BMPR2: variants seen among roughly 807,000 people sequenced by gnomAD.
BMPR2 encodes bone morphogenetic protein receptor type-2.
A neutral mutation model predicts 100.8 loss-of-function variants in BMPR2; 29 were observed. The observed-to-expected ratio is 0.29, with a 90% CI of 0.21 to 0.39. The LOEUF (loss-of-function observed/expected upper bound fraction) is 0.39, where lower values mean the gene tolerates loss of function less well. BMPR2 is among the 10% of genes least tolerant of loss of function. The pLI, the probability that BMPR2 is intolerant of heterozygous loss-of-function variation, is 1.00. For missense variants in BMPR2, 1,011 were observed against 1,274.5 expected (o/e 0.79, Z 3.15); for synonymous variants, 382 against 442.3 (o/e 0.86, Z 1.71).
chr2:202,402,157 A>C (rs1690778854), intron 1 of BMPR2, among the ~76,000 whole-genome samples: 1 of 152,174 alleles, frequency 6.6e-6, no homozygotes, highest in African/African-American at 2.4e-5. Flanking sequence ...GGGAGGTGGA[A>C]TAGGCCTTTT....
In BMPR2 at chr2:202,460,594, G is replaced by A. The variant is rs188876981; in HGVS notation, c.77-4215G>A. 5.3e-5 allele frequency among the ~76,000 whole-genome samples: 8 copies of A among 152,134 alleles called. 1 individual carries two copies. Among genetic ancestry groups the A allele is most frequent in the Non-Finnish European group, 5.9e-5 (4 of 67,974 alleles). On this transcript the variant is annotated intron_variant, in intron 1 of 12. Coordinates refer to ENST00000374580, the MANE Select transcript of BMPR2 (RefSeq NM_001204.7). ...CATTGTAGTACAAAATTGAATAAGA[G>A]GATTGGAAGAACACCTTGAGAAACT...
chr2:202,401,481 T>TA (rs1690767794), intron 1 of BMPR2, among the ~76,000 whole-genome samples: 1 of 152,226 alleles, frequency 6.6e-6, no homozygotes. Flanking sequence ...ATTTTGGAGA[T>TA]AATGATCAGT....
chr2:202,474,524 A>G (rs1318040655), intron 3 of BMPR2, among the ~76,000 whole-genome samples: 1 of 151,826 alleles, frequency 6.6e-6, no homozygotes, highest in Non-Finnish European at 1.5e-5. Flanking sequence ...TGGAAAGGTT[A>G]TTTTTTATTT....
chr2:202,550,685 C>G (rs968575374), intron 10 of BMPR2, among the ~76,000 whole-genome samples: 1 of 152,122 alleles, frequency 6.6e-6, no homozygotes, highest in African/African-American at 2.4e-5. Context: ...TGCCTGTCGT[C>G]CCAGCTACTC....
rs1049284289 is a variant in BMPR2 at position 202,559,896 on chromosome 2, G to A, written c.3067G>A (p.Gly1023Ser). ...SSTAVYLAEG[G>S]TATTMVSKDI... Reference sequence around the variant, plus strand: ...CACTGCTGTTTACCTTGCAGAAGGAGGCACTGCTACAACCATGGTGTCTAA... The same window carrying A: ...CACTGCTGTTTACCTTGCAGAAGGAAGCACTGCTACAACCATGGTGTCTAA... Residue 1023 changes from glycine (G) to serine (S), a missense_variant, in exon 13 of 13, where the codon GGC (glycine) becomes AGC (serine). Gly to Ser is a moderately conservative substitution (Grantham distance 56, BLOSUM62 0). Around this residue, in one of 6 missense-constraint regions of BMPR2, gnomAD observed 58 missense variants for 72.3 expected, o/e 0.80. Transcript: ENST00000374580. 8 of 1,614,168 alleles carry A rather than the reference G, an allele frequency of 5.0e-6. No homozygotes were observed. The highest frequency in any genetic ancestry group is 6.8e-6 in the Non-Finnish European group (8 of 1,180,030).
At chr2:202,384,953 T>G (rs1277728562) in intron 1 of BMPR2, among the ~76,000 whole-genome samples, 1 of 152,098 alleles carries the variant, frequency 6.6e-6, no homozygotes, top group Non-Finnish European at 1.5e-5. Context: ...AGACAGTAGT[T>G]TGCCCTTATA....
At position 202,503,513 on chromosome 2, in the gene BMPR2, G is replaced by C. The variant is rs1687451800; in HGVS notation, c.419-10206G>C. 6.6e-6 allele frequency among the ~76,000 whole-genome samples: 1 copy of C among 152,244 alleles called. No individual in the cohort carries two copies. Among genetic ancestry groups the C allele is most frequent in the South Asian group, 2.1e-4 (1 of 4,834 alleles). ...CGGGCAATGAGGGGCTTAGCACCCA[G>C]GCCAGCAGCTGCGGAGGGTGTACTG... On this transcript the variant is annotated intron_variant, in intron 3 of 12. Coordinates refer to ENST00000374580, the MANE Select transcript of BMPR2 (RefSeq NM_001204.7). This position sits in a 1 kb window ranked among gnomAD's most constrained non-coding sequence, Gnocchi z 4.0.
Position 202,494,764 on chromosome 2 carries a change from A to C in BMPR2, c.419-18955A>C, listed in dbSNP as rs573203544. Reference sequence around the variant, plus strand: ...AGACAACAAAAAATAGGAGTTTTCTAGTTAAAGGCCTCTTTTGCACGTACA... The same window carrying C: ...AGACAACAAAAAATAGGAGTTTTCTCGTTAAAGGCCTCTTTTGCACGTACA... On this transcript the variant is annotated intron_variant, in intron 3 of 12. Coordinates refer to ENST00000374580, the MANE Select transcript of BMPR2 (RefSeq NM_001204.7). 2.6e-5 allele frequency among the ~76,000 whole-genome samples: 4 copies of C among 152,332 alleles called. No homozygotes were observed. The South Asian group carries it at 8.3e-4, about 32-fold the overall frequency.
At chr2:202,476,018 G>A (rs567382709) in intron 3 of BMPR2, among the ~76,000 whole-genome samples, 1 of 147,798 alleles carries the variant, frequency 6.8e-6, no homozygotes, top group East Asian at 2.1e-4. Context: ...AGGTTGCAGT[G>A]AGCCAAGATT....
intron 3 of BMPR2, among the ~76,000 whole-genome samples, chr2:202,482,540 ATT>A (rs1294071717): frequency 7.2e-5 from 10 of 138,632 alleles, no homozygotes; most frequent in Admixed American, 7.2e-5. Flanking sequence ...TGCCTGTCTA[ATT>A]TTTTTTTTTT....
At position 202,563,564 on chromosome 2, in the gene BMPR2, T is replaced by C. The variant is rs1020811746; in HGVS notation, c.*3618T>C. On this transcript the variant is annotated 3_prime_UTR_variant, in exon 13 of 13. Transcript: ENST00000374580. The stretch of plus-strand genomic sequence containing the variant: ...GATATGTAGACATATCTATGCTGAT[T>C]GTTGCTTGAGAAATAATTACTAATT... The C allele has an allele frequency of 6.6e-6, 1 of 152,244 alleles. No individual in the cohort carries two copies. The highest frequency in any genetic ancestry group is 2.4e-5 in the African/African-American group (1 of 41,464). 9.4% of individuals were successfully genotyped at this position (152,244 alleles called of 1,614,324 possible).
chr2:202,418,070 A>G (rs1691175354), intron 1 of BMPR2, among the ~76,000 whole-genome samples: 1 of 152,168 alleles, frequency 6.6e-6, no homozygotes, highest in South Asian at 2.1e-4. Context: ...AGACTACAGT[A>G]TAAACATAAC....
At chr2:202,457,329 G>A (rs1692131081) in intron 1 of BMPR2, among the ~76,000 whole-genome samples, 1 of 150,932 alleles carries the variant, frequency 6.6e-6, no homozygotes, top group Non-Finnish European at 1.5e-5. Flanking sequence ...GATGATTAAG[G>A]GTTTTTTTTT....
At chr2:202,477,231 AAC>A in intron 3 of BMPR2, among the ~76,000 whole-genome samples, 2 of 152,324 alleles carry the variant, frequency 1.3e-5, no homozygotes, top group South Asian at 4.1e-4. Flanking sequence ...TTCAATAAAT[AAC>A]AGTTACTTTC....
Position 202,561,594 on chromosome 2 carries a change from G to C in BMPR2, c.*1648G>C, listed in dbSNP as rs1271305494. ...CAGAGTACTTAGTAAATGTTATATA[G>C]TTTAGTTCTAAGATAGTTCCAGGGA... On this transcript the variant is annotated 3_prime_UTR_variant, in exon 13 of 13. Coordinates refer to ENST00000374580, the MANE Select transcript of BMPR2 (RefSeq NM_001204.7). 1 of 151,670 alleles carries C rather than the reference G, an allele frequency of 6.6e-6. No individual in the cohort carries two copies. The highest frequency in any genetic ancestry group is 2.4e-5 in the African/African-American group (1 of 41,270). 9.4% of individuals were successfully genotyped at this position (151,670 alleles called of 1,614,324 possible). A position where few individuals can be genotyped will look rare whatever the true frequency, so the allele number is the denominator to read the frequency against.
intron 6 of BMPR2, among the ~76,000 whole-genome samples, chr2:202,519,444 A>C (rs1174919781): frequency 6.6e-6 from 1 of 152,238 alleles, no homozygotes; most frequent in Non-Finnish European, 1.5e-5. Context: ...CAGATAGAGC[A>C]TTGCTGACTC....
chr2:202,464,337 T>A (rs1692278052), intron 1 of BMPR2, among the ~76,000 whole-genome samples: 2 of 152,162 alleles, frequency 1.3e-5, no homozygotes, highest in South Asian at 4.1e-4. Flanking sequence ...ATGTACCCAT[T>A]CATAGTTACT....
intron 1 of BMPR2, among the ~76,000 whole-genome samples, chr2:202,432,163 A>C (rs1691519619): frequency 6.6e-6 from 1 of 150,722 alleles, no homozygotes; most frequent in Non-Finnish European, 1.5e-5. Flanking sequence ...CCTTTCTTTC[A>C]TCAAGGCTTC....
Position 202,466,723 on chromosome 2 carries a change from C to T in BMPR2, c.248-796C>T, listed in dbSNP as rs572111606. ...ACCTCCTGGGCTCAAGCAATCCCCCCAAGTCAGTAGGACCACAACTAGGCA... is the reference window on the plus strand; with the variant it reads ...ACCTCCTGGGCTCAAGCAATCCCCCTAAGTCAGTAGGACCACAACTAGGCA... On this transcript the variant is annotated intron_variant, in intron 2 of 12. Transcript: ENST00000374580. Among the ~76,000 whole-genome samples the T allele has an allele frequency of 9.2e-5, 14 of 152,024 alleles. No homozygotes were observed. The South Asian group carries it at 2.9e-3, about 32-fold the overall frequency.
Sources: allele counts gnomAD v4.1 joint callset (sites outside exome capture counted in the v4.1 genomes callset), GRCh38; gene constraint gnomAD v4.1.1; regional missense constraint gnomAD v4.1.1; non-coding constraint Gnocchi (gnomAD v3.1); transcripts MANE v1.5; gene names NCBI Gene and HGNC (gene_info 2026-07-23, HGNC 2026-07-21).